SLC25A48: variants seen among roughly 807,000 people sequenced by gnomAD.
SLC25A48 encodes CTC-321K16.1.
A neutral mutation model predicts 32.2 loss-of-function variants in SLC25A48; 29 were observed. The ratio of observed to expected loss-of-function variants is 0.90; its 90% CI spans 0.67 to 1.23. The LOEUF is 1.23. Among genes scored for constraint, SLC25A48 ranks in the 50% most tolerant of loss-of-function variants. SLC25A48 has a pLI of 0.00. For synonymous variants in SLC25A48, 164 were observed against 172.3 expected (o/e 0.95, Z 0.38); for missense variants, 399 against 422.7 (o/e 0.94, Z 0.49).
chr5:135,809,609 A>G (rs34659503), intron 3 of SLC25A48, among the ~76,000 whole-genome samples: 79,328 of 151,938 alleles, frequency 0.52, 22,317 homozygotes, highest in East Asian at 0.7. Context: ...CTCCCCTCCC[A>G]ATTTTCTTGT....
intron 1 of SLC25A48, among the ~76,000 whole-genome samples, chr5:135,837,373 C>G (rs1758624465): frequency 6.6e-6 from 1 of 152,124 alleles, no homozygotes; most frequent in Middle Eastern, 3.2e-3. Context: ...ATCTAATATT[C>G]CAGGAGCCCT....
At chr5:135,721,305 A>C (rs564001826) in intron 3 of SLC25A48, among the ~76,000 whole-genome samples, 1 of 145,120 alleles carries the variant, frequency 6.9e-6, no homozygotes, top group African/African-American at 2.6e-5. Flanking sequence ...GGGTTCAAGC[A>C]ATTCTCCTGC....
intron 4 of SLC25A48, among the ~76,000 whole-genome samples, chr5:135,814,677 G>A (rs538759533): frequency 3.3e-5 from 5 of 152,216 alleles, no homozygotes; most frequent in Admixed American, 1.3e-4. Flanking sequence ...CTCAAGTGCC[G>A]CATCTCCAGG....
intron 3 of SLC25A48, among the ~76,000 whole-genome samples, chr5:135,746,641 C>T (rs10463928): frequency 0.26 from 39,433 of 152,082 alleles, 5,444 homozygotes; most frequent in East Asian, 0.46. Flanking sequence ...ATCATACATA[C>T]TTCGGCAGTG....
At position 135,741,103 on chromosome 5, in the gene SLC25A48, C is replaced by T. The variant is rs977703447; in HGVS notation, c.-520-71420C>T. ...TACATGTGTCATCTCACTCAGTCTT[C>T]AGAGTCCCATTTTATAGATGAGAAA... On this transcript the variant is annotated intron_variant, in intron 3 of 10. Coordinates refer to the SLC25A48 transcript ENST00000646290. Among the ~76,000 whole-genome samples the T allele has an allele frequency of 3.3e-5, 5 of 152,178 alleles. No individual in the cohort carries two copies. In the East Asian group the frequency reaches 5.8e-4, roughly 18 times the overall value.
chr5:135,777,458 T>TC (rs542770917), intron 3 of SLC25A48, among the ~76,000 whole-genome samples: 2 of 151,176 alleles, frequency 1.3e-5, no homozygotes, highest in Admixed American at 6.6e-5. Flanking sequence ...TAAGTGTACA[T>TC]CCCCCCTGTG....
chr5:135,665,743 A>G (rs549042293), intron 3 of SLC25A48, among the ~76,000 whole-genome samples: 22 of 146,016 alleles, frequency 1.5e-4, no homozygotes, highest in African/African-American at 5.3e-4. Flanking sequence ...AAATTTTCTT[A>G]AACACTCTTG....
At chr5:135,835,678 TAAAAAA>T (rs35114794) in intron 1 of SLC25A48, among the ~76,000 whole-genome samples, 2 of 70,412 alleles carry the variant, frequency 2.8e-5, no homozygotes, top group Admixed American at 3.2e-4. Context: ...TTGCTAATTG[TAAAAAA>T]AAAAAAAAAA....
chr5:135,624,727 G>A (rs1158026405), intron 1 of SLC25A48, among the ~76,000 whole-genome samples: 1 of 152,186 alleles, frequency 6.6e-6, no homozygotes, highest in Non-Finnish European at 1.5e-5. Context: ...TGTTTGAAGC[G>A]CGTTTGAGTC....
Position 135,871,667 on chromosome 5 carries a change from G to A in SLC25A48, c.628G>A (p.Ala210Thr), listed in dbSNP as rs1305240105. 7.4e-6 allele frequency: 12 copies of A among 1,614,030 alleles called. No homozygotes were observed. In the Admixed American group the frequency reaches 2.0e-4, roughly 27 times the overall value. The change falls in exon 5 of 8, where the codon GCC becomes ACC. Residue 210 changes from alanine (A) to threonine (T), a missense_variant. Transcript: ENST00000681962. ...CCTGAGTGAGTGGATCACACCTGAG[G>A]CCTGCACAGGCCCCAGCCCCTGTGC... ...VFLSEWITPE[A>T]CTGPSPCAVW...
At chr5:135,768,090 G>A (rs866748089) in intron 3 of SLC25A48, among the ~76,000 whole-genome samples, 37 of 147,982 alleles carry the variant, frequency 2.5e-4, no homozygotes, top group South Asian at 1.3e-3. Flanking sequence ...ACCCCCCTGT[G>A]ATATTGTTTT....
At chr5:135,752,368 C>T (rs1371917309) in intron 3 of SLC25A48, among the ~76,000 whole-genome samples, 3 of 152,108 alleles carry the variant, frequency 2.0e-5, no homozygotes, top group African/African-American at 4.8e-5. Flanking sequence ...GCCAGGAGTT[C>T]GAGACCAGCC....
chr5:135,737,385 T>C (rs1755400378), intron 3 of SLC25A48, among the ~76,000 whole-genome samples: 1 of 152,102 alleles, frequency 6.6e-6, no homozygotes, highest in Non-Finnish European at 1.5e-5. Context: ...AACAGGCCAT[T>C]TTCACTTCTT....
intron 3 of SLC25A48, among the ~76,000 whole-genome samples, chr5:135,776,123 G>A (rs148571528): frequency 2.9e-3 from 446 of 151,864 alleles, no homozygotes; most frequent in Non-Finnish European, 4.6e-3. Context: ...TCCAGGAAAG[G>A]AGACCATGAT....
intron 4 of SLC25A48, among the ~76,000 whole-genome samples, chr5:135,853,953 G>T (rs1434477257): frequency 6.6e-6 from 1 of 152,222 alleles, no homozygotes; most frequent in Admixed American, 6.5e-5. Context: ...AATGGATGCT[G>T]TGTTAGCAGG....
At chr5:135,654,029 C>A in intron 3 of SLC25A48, 2 of 411,696 alleles carry the variant, frequency 4.9e-6, no homozygotes, top group Admixed American at 2.7e-5. Context: ...GCAGTGGCAG[C>A]CAGAGAGCCA....
At chr5:135,626,273 G>A (rs1257911150) in intron 1 of SLC25A48, among the ~76,000 whole-genome samples, 1 of 152,200 alleles carries the variant, frequency 6.6e-6, no homozygotes. Flanking sequence ...TATAAACAAT[G>A]TTTTTCCACA....
intron 3 of SLC25A48, among the ~76,000 whole-genome samples, chr5:135,732,993 A>G (rs374864623): frequency 7.9e-5 from 12 of 152,216 alleles, no homozygotes; most frequent in African/African-American, 2.2e-4. Flanking sequence ...TTTATTAAAG[A>G]GGCATTAATG....
At chr5:135,834,013 C>T (rs767294068), upstream of SLC25A48, among the ~76,000 whole-genome samples, 6 of 152,166 alleles carry the variant, frequency 3.9e-5, no homozygotes, top group Admixed American at 1.3e-4. Flanking sequence ...ACTAGCAGAA[C>T]GCTGGGGGGC....
Sources: gnomAD v4.1 joint callset for allele counts (sites outside exome capture counted in the v4.1 genomes callset) on GRCh38, gnomAD v4.1.1 for gene constraint, MANE v1.5 for transcripts, NCBI Gene and HGNC (gene_info 2026-07-23, HGNC 2026-07-21) for gene names.